The following NGEF variants were observed in gnomAD, a reference collection of about 807,000 sequenced individuals.
NGEF encodes the protein ephexin-1.
NGEF carries 31 observed loss-of-function variants against 80.9 expected under a neutral mutation model. The observed-to-expected ratio is 0.38, with a 90% CI of 0.29 to 0.52. NGEF has a LOEUF of 0.52. NGEF is among the 20% of genes least tolerant of loss of function. NGEF has a pLI of 0.84. For missense variants in NGEF, 709 were observed against 926.2 expected, an observed-to-expected ratio of 0.77 and a Z score of 3.04; for synonymous variants, 371 against 370.2, an observed-to-expected ratio of 1.00 and a Z score of -0.03.
At chr2:232,966,891 C>A (rs542217051) in intron 3 of NGEF, among the ~76,000 whole-genome samples, 18 of 152,066 alleles carry the variant, frequency 1.2e-4, no homozygotes, top group Non-Finnish European at 2.5e-4. Context: ...AAGGTGGCTT[C>A]ACTGTTTCTG....
At chr2:232,995,072 CTGTATATGTGTACAGTA>C (rs1243628509) in intron 1 of NGEF, among the ~76,000 whole-genome samples, 671 of 49,424 alleles carry the variant, frequency 0.014, 276 homozygotes, top group African/African-American at 0.049. Flanking sequence ...AGTATGTATA[CTGTATATGTGTACAGTA>C]TGTATATGTG....
intron 1 of NGEF, among the ~76,000 whole-genome samples, chr2:232,992,352 G>A (rs1694668549): frequency 6.6e-6 from 1 of 151,874 alleles, no homozygotes; most frequent in South Asian, 2.1e-4. Context: ...GAAGTCAGGA[G>A]TTCAAGACTA....
intron 1 of NGEF, among the ~76,000 whole-genome samples, chr2:232,976,903 C>T (rs1352114478): frequency 6.6e-6 from 1 of 152,154 alleles, no homozygotes; most frequent in African/African-American, 2.4e-5. Context: ...GGTGAAGCCC[C>T]TTCCAACTAG....
chr2:233,006,778 T>A (rs1237551012), intron 1 of NGEF, among the ~76,000 whole-genome samples: 1 of 152,196 alleles, frequency 6.6e-6, no homozygotes, highest in Non-Finnish European at 1.5e-5. Context: ...CCTATTTCTT[T>A]CACTTTTAGA....
At chr2:232,943,531 T>G (rs28533038) in intron 3 of NGEF, among the ~76,000 whole-genome samples, 53,507 of 148,360 alleles carry the variant, frequency 0.36, 10,031 homozygotes, top group Middle Eastern at 0.44. Context: ...AGTCTCACTC[T>G]GTCGCCCAGG....
chr2:232,944,709 G>T (rs1693514259), intron 3 of NGEF, among the ~76,000 whole-genome samples: 1 of 135,224 alleles, frequency 7.4e-6, no homozygotes, highest in Non-Finnish European at 1.6e-5. Flanking sequence ...GTTGGGCTAG[G>T]GGATAAGACT....
intron 2 of NGEF, among the ~76,000 whole-genome samples, chr2:232,972,734 T>C (rs1234280783): frequency 6.8e-6 from 1 of 147,602 alleles, no homozygotes; most frequent in Non-Finnish European, 1.5e-5. Context: ...TCCCCAGCCA[T>C]GTCCTTATCC....
At chr2:232,889,326 C>T (rs1691803764) in intron 8 of NGEF, among the ~76,000 whole-genome samples, 1 of 152,168 alleles carries the variant, frequency 6.6e-6, no homozygotes, top group Non-Finnish European at 1.5e-5. Flanking sequence ...CGTGCTCTCC[C>T]ACGCCAGCCT....
chr2:232,967,453 GC>G (rs995520477), intron 3 of NGEF, among the ~76,000 whole-genome samples: 5 of 152,052 alleles, frequency 3.3e-5, no homozygotes, highest in African/African-American at 1.2e-4. Context: ...TCGTGCCTCA[GC>G]CTCCCAAGTA....
intron 3 of NGEF, among the ~76,000 whole-genome samples, chr2:232,947,920 C>G (rs1693591968): frequency 6.6e-6 from 1 of 152,130 alleles, no homozygotes; most frequent in African/African-American, 2.4e-5. Flanking sequence ...GTGATTGAAA[C>G]TCGACTAGAT....
intron 8 of NGEF, 84 bp from the exon 9 acceptor site, chr2:232,888,191 A>G (rs1444935499): frequency 1.0e-6 from 1 of 956,056 alleles, no homozygotes; most frequent in Non-Finnish European, 1.6e-6. Context: ...CTACCTCCCT[A>G]CTGCACCAGT....
intron 3 of NGEF, among the ~76,000 whole-genome samples, chr2:232,955,673 C>A (rs970638186): frequency 8.5e-5 from 13 of 152,162 alleles, no homozygotes; most frequent in African/African-American, 2.2e-4. Flanking sequence ...CATGTGCCAC[C>A]ACATCTGGCT....
intron 5 of NGEF, among the ~76,000 whole-genome samples, chr2:232,917,439 T>C (rs1227128984): frequency 6.6e-6 from 1 of 152,050 alleles, no homozygotes; most frequent in Non-Finnish European, 1.5e-5. Context: ...TGAAAGTGCA[T>C]AGAGGAGTTA....
intron 3 of NGEF, among the ~76,000 whole-genome samples, chr2:232,950,446 C>T (rs1457569288): frequency 6.6e-6 from 1 of 151,774 alleles, no homozygotes; most frequent in African/African-American, 2.4e-5. Context: ...AGTGGGACCC[C>T]CCACCCCCAA....
chr2:232,945,304 T>C (rs2106300810), intron 3 of NGEF, among the ~76,000 whole-genome samples: 1 of 152,186 alleles, frequency 6.6e-6, no homozygotes, highest in South Asian at 2.1e-4. Context: ...TTACACTTTG[T>C]TTAGTTGGTG....
chr2:232,981,552 A>G (rs1340200251), intron 1 of NGEF, among the ~76,000 whole-genome samples: 1 of 152,030 alleles, frequency 6.6e-6, no homozygotes, highest in East Asian at 1.9e-4. Flanking sequence ...ATCAGCTGAC[A>G]CCACCCAGAC....
rs372210599 is a variant in NGEF, at chr2:232,884,099, C to T, written c.1483G>A (p.Glu495Lys). Residue 495 changes from glutamate to lysine, a missense_variant, in exon 11 of 15, where the codon GAG (glutamate) becomes AAG (lysine). Transcript: ENST00000264051. ...SHSRWLLKQG[E>K]LQQMSGPKTS... The stretch of plus-strand genomic sequence containing the variant: ...TTGGGGCCTGACATCTGCTGCAGCT[C>T]ACCCTGCTTCAGCAGCCAGCGGGAG... The T allele has an allele frequency of 1.9e-6, 3 of 1,610,642 alleles. No individual in the cohort carries two copies. The highest frequency in any genetic ancestry group is 1.3e-5 in the African/African-American group (1 of 74,962).
At position 232,879,439 on chromosome 2, in the gene NGEF, CTGT is replaced by C; in HGVS notation, c.*47_*49del. 1.7e-6 allele frequency: 2 copies of C among 1,207,756 alleles called. No individual in the cohort carries two copies. Among genetic ancestry groups the C allele is most frequent in the Non-Finnish European group, 2.4e-6 (2 of 847,410 alleles). 74.8% of individuals were successfully genotyped at this position (1,207,756 alleles called of 1,614,324 possible). On this transcript the variant is annotated 3_prime_UTR_variant, in exon 15 of 15. Transcript: ENST00000264051. ...CCCAGAGCCCCCCCCCCCCCACCTT[CTGT>C]CGGGGTCTCATGCAGGCCCTGCTCC...
intron 1 of NGEF, among the ~76,000 whole-genome samples, chr2:233,003,813 G>A (rs546963830): frequency 6.6e-6 from 1 of 152,266 alleles, no homozygotes; most frequent in Non-Finnish European, 1.5e-5. Flanking sequence ...TGGGGATCTC[G>A]GATGTTCCAG....
Sources: gnomAD v4.1 joint callset for allele counts (sites outside exome capture counted in the v4.1 genomes callset) on GRCh38, gnomAD v4.1.1 for gene constraint, MANE v1.5 for transcripts, NCBI Gene and HGNC (gene_info 2026-07-23, HGNC 2026-07-21) for gene names.